The following ANO5 variants were observed in gnomAD, a reference collection of about 807,000 sequenced individuals.
ANO5 encodes the protein anoctamin 5, also known as anoctamin-5.
A neutral mutation model predicts 121.0 loss-of-function variants in ANO5; 109 were observed. The ratio of observed to expected loss-of-function variants is 0.90; its 90% CI spans 0.77 to 1.06. The LOEUF (loss-of-function observed/expected upper bound fraction) is 1.06, where lower values mean the gene tolerates loss of function less well. Ranked by LOEUF, ANO5 falls within the 50% of genes least tolerant of loss-of-function variation. ANO5 has a pLI of 0.00. For synonymous variants in ANO5, 406 were observed against 359.9 expected, an observed-to-expected ratio of 1.13 and a Z score of -1.45; for missense variants, 1,064 against 1,078.5, an observed-to-expected ratio of 0.99 and a Z score of 0.19.
At chr11:22,221,829 T>C (rs935720924) in intron 5 of ANO5, among the ~76,000 whole-genome samples, 1 of 151,992 alleles carries the variant, frequency 6.6e-6, no homozygotes, top group Non-Finnish European at 1.5e-5. Flanking sequence ...CATATATGTG[T>C]GTGTGCATAC....
intron 15 of ANO5, among the ~76,000 whole-genome samples, chr11:22,260,869 T>C (rs1590302789): frequency 6.6e-6 from 1 of 152,356 alleles, no homozygotes; most frequent in Middle Eastern, 3.4e-3. Context: ...GATAATTTAA[T>C]ATTTTGTTAT....
chr11:22,269,702 A>T (rs1054029498), intron 17 of ANO5, among the ~76,000 whole-genome samples: 1 of 152,092 alleles, frequency 6.6e-6, no homozygotes, highest in Admixed American at 6.5e-5. Context: ...CTTAAAATAT[A>T]TCAAATGCAT....
intron 17 of ANO5, among the ~76,000 whole-genome samples, chr11:22,264,521 CT>C (rs1457361585): frequency 6.6e-6 from 1 of 150,546 alleles, no homozygotes; most frequent in African/African-American, 2.4e-5. Context: ...AACAAAAACC[CT>C]GAACCTTCCT....
At position 22,226,031 on chromosome 11, in the gene ANO5, G is replaced by A. The variant is rs774989555; in HGVS notation, c.342G>A (p.Glu114=). 1.5e-5 allele frequency: 24 copies of A among 1,608,474 alleles called. No homozygotes were observed. In the Admixed American group the frequency reaches 3.0e-4, roughly 20 times the overall value. The change falls in exon 6 of 22, where the codon GAG becomes GAA. Residue 114 remains glutamate (E), a synonymous_variant. Transcript: ENST00000324559. ...FETNLRKTGL[E]LEIEDKRDSE... ...CTAATCTCAGAAAAACAGGTCTTGA[G>A]TTGGAAATAGAAGACAAAAGGGTAA...
At chr11:22,229,546 TAAAAC>T (rs1852965988) in intron 7 of ANO5, among the ~76,000 whole-genome samples, 1 of 151,936 alleles carries the variant, frequency 6.6e-6, no homozygotes, top group African/African-American at 2.4e-5. Flanking sequence ...TCATTTCTCT[TAAAAC>T]AAATAATGAT....
chr11:22,274,195 C>T (rs927223268), intron 19 of ANO5, among the ~76,000 whole-genome samples: 3 of 151,608 alleles, frequency 2.0e-5, no homozygotes, highest in East Asian at 3.9e-4. Context: ...CACACACACC[C>T]GCAGTCCTAC....
chr11:22,254,965 G>C (rs1470776252), intron 12 of ANO5, among the ~76,000 whole-genome samples: 1 of 151,798 alleles, frequency 6.6e-6, no homozygotes, highest in South Asian at 2.1e-4. Flanking sequence ...ATGCTTCCTA[G>C]GTATATTTCC....
intron 3 of ANO5, among the ~76,000 whole-genome samples, chr11:22,213,623 CT>C (rs58554534): frequency 0.014 from 2,016 of 148,764 alleles, 58 homozygotes; most frequent in African/African-American, 0.047. Flanking sequence ...TAAAGTTACT[CT>C]TTTTTTTTTC....
At chr11:22,277,644 T>C (rs981550030) in intron 21 of ANO5, 3 of 151,600 alleles carry the variant, frequency 2.0e-5, no homozygotes, top group African/African-American at 7.3e-5. Context: ...CTCTGTCTCT[T>C]AGTTCCTTAT....
upstream of ANO5, among the ~76,000 whole-genome samples, chr11:22,192,575 A>T (rs1402685620): frequency 6.6e-6 from 1 of 152,132 alleles, no homozygotes; most frequent in Admixed American, 6.5e-5. Context: ...AGGGAGAGGG[A>T]CTTTTCCCCA....
chr11:22,235,705 A>G (rs1457623573), intron 7 of ANO5, among the ~76,000 whole-genome samples: 1 of 152,188 alleles, frequency 6.6e-6, no homozygotes, highest in Admixed American at 6.6e-5. Flanking sequence ...AGATAGGATC[A>G]CTTTGGCTAA....
intron 7 of ANO5, 73 bp downstream of exon 7, chr11:22,227,659 G>A: frequency 6.4e-7 from 1 of 1,558,904 alleles, no homozygotes; most frequent in Non-Finnish European, 8.8e-7. Flanking sequence ...TTATACATGT[G>A]CAGATGTCGT....
At chr11:22,217,979 TTTA>T (rs1274169997) in intron 3 of ANO5, among the ~76,000 whole-genome samples, 5 of 151,802 alleles carry the variant, frequency 3.3e-5, no homozygotes, top group Admixed American at 6.6e-5. Context: ...TCCACAAATA[TTTA>T]TTATTTTTAG....
intron 6 of ANO5, among the ~76,000 whole-genome samples, chr11:22,226,588 T>C (rs1020501557): frequency 1.3e-5 from 2 of 152,038 alleles, no homozygotes; most frequent in Non-Finnish European, 2.9e-5. Flanking sequence ...AAAAAATTAG[T>C]TGGGCATGGT....
chr11:22,204,057 T>A (rs1852042200), intron 2 of ANO5, among the ~76,000 whole-genome samples: 1 of 152,068 alleles, frequency 6.6e-6, no homozygotes, highest in Admixed American at 6.6e-5. Context: ...AACAAATAGA[T>A]CTTTGATTTG....
chr11:22,218,363 GAA>G lies in ANO5; in HGVS notation c.180+77_180+78del. ...TAGCCTTAGTTATTTTTCTTCTAAT[GAA>G]TACTTTGATTTGGGGGAACATTGTC... On this transcript the variant is annotated intron_variant, in intron 4 of 21. Coordinates refer to ENST00000324559, the MANE Select transcript of ANO5 (RefSeq NM_213599.3). 3 of 1,558,494 alleles carry G rather than the reference GAA, an allele frequency of 1.9e-6. No individual in the cohort carries two copies. In the South Asian group the frequency reaches 3.3e-5, roughly 17 times the overall value.
intron 21 of ANO5, among the ~76,000 whole-genome samples, chr11:22,276,612 TTAAC>T (rs773705333): frequency 9.2e-5 from 14 of 151,884 alleles, no homozygotes; most frequent in Admixed American, 2.6e-4. Flanking sequence ...TGGCTTAACG[TTAAC>T]TAACTAACAT....
intron 3 of ANO5, among the ~76,000 whole-genome samples, chr11:22,211,881 T>C (rs1188358608): frequency 6.6e-6 from 1 of 151,994 alleles, no homozygotes; most frequent in East Asian, 1.9e-4. Flanking sequence ...TTAGCAAGGA[T>C]GATAGTTTGC....
chr11:22,244,091 C>T (rs979857924), intron 9 of ANO5, among the ~76,000 whole-genome samples: 3 of 151,902 alleles, frequency 2.0e-5, no homozygotes, highest in South Asian at 2.1e-4. Context: ...TCTTGTAAGC[C>T]GTGTCTAGTG....
Sources: allele counts gnomAD v4.1 joint callset (sites outside exome capture counted in the v4.1 genomes callset), GRCh38; gene constraint gnomAD v4.1.1; transcripts MANE v1.5; gene names NCBI Gene and HGNC (gene_info 2026-07-23, HGNC 2026-07-21).